DNM2: variants seen among roughly 807,000 people sequenced by gnomAD.
The protein encoded by DNM2 is dynamin 2.
A neutral mutation model predicts 99.0 loss-of-function variants in DNM2; 15 were observed. The ratio of observed to expected loss-of-function variants is 0.15; its 90% CI spans 0.10 to 0.23. DNM2 has a LOEUF of 0.23. Ranked by LOEUF, DNM2 falls within the 10% of genes least tolerant of loss-of-function variation. The pLI is 1.00. For missense variants in DNM2, 742 were observed against 1,189.4 expected (o/e 0.62, Z 5.53); for synonymous variants, 525 against 481.2 (o/e 1.09, Z -1.19).
intron 18 of DNM2, among the ~76,000 whole-genome samples, chr19:10,826,458 ACT>A (rs1443385768): frequency 6.6e-6 from 1 of 152,022 alleles, no homozygotes; most frequent in Non-Finnish European, 1.5e-5. Flanking sequence ...TTCCCTGGAG[ACT>A]CTCAGGGCTC....
chr19:10,819,508 A>G (rs536150994), intron 15 of DNM2, among the ~76,000 whole-genome samples: 1 of 152,350 alleles, frequency 6.6e-6, no homozygotes, highest in African/African-American at 2.4e-5. Context: ...GCGTGCCGTC[A>G]GCCACATGTC....
chr19:10,719,390 G>C (rs537369819), intron 1 of DNM2, among the ~76,000 whole-genome samples: 7 of 152,000 alleles, frequency 4.6e-5, no homozygotes, highest in Non-Finnish European at 1.0e-4. Flanking sequence ...ACAAATTGGG[G>C]GCCCTCCTTT....
rs902312942 is a variant in DNM2 at position 10,796,732 on chromosome 19, C to G, written c.1197-648C>G. Among the ~76,000 whole-genome samples the G allele has an allele frequency of 2.0e-5, 3 of 152,134 alleles. No homozygotes were observed. Among genetic ancestry groups the G allele is most frequent in the Admixed American group, 6.5e-5 (1 of 15,280 alleles). On this transcript the variant is annotated intron_variant, in intron 9 of 20. Coordinates refer to ENST00000389253, the MANE Select transcript of DNM2 (RefSeq NM_001005361.3). The surrounding 1 kb of genome is among the most constrained non-coding windows in gnomAD (Gnocchi z 5.6). ...GCCCACCCCCTGCACCCCACGCTGT[C>G]CCCCAGGGGCAGCCCATTTTTGGAT...
chr19:10,736,068 G>A (rs956779362), intron 1 of DNM2, among the ~76,000 whole-genome samples: 2 of 152,010 alleles, frequency 1.3e-5, no homozygotes, highest in Non-Finnish European at 2.9e-5. Context: ...TTTGAAACTG[G>A]CCTGGCCAAC....
intron 18 of DNM2, among the ~76,000 whole-genome samples, chr19:10,827,727 G>T (rs987619391): frequency 1.3e-5 from 2 of 151,598 alleles, no homozygotes; most frequent in East Asian, 3.9e-4. Flanking sequence ...AAATTAGCTG[G>T]GCGTGGTGGC....
chr19:10,797,293 C>G, intron 9 of DNM2, 87 bp from the exon 10 acceptor site: 3 of 1,573,102 alleles, frequency 1.9e-6, no homozygotes, highest in Non-Finnish European at 2.6e-6. Context: ...CTCGTTTCTT[C>G]TCTTCTCTCT....
chr19:10,814,929 T>G (rs912599695), intron 15 of DNM2, among the ~76,000 whole-genome samples: 6 of 152,196 alleles, frequency 3.9e-5, no homozygotes, highest in Non-Finnish European at 8.8e-5. Flanking sequence ...GCGGTCCAGG[T>G]TGGCTTTCAA....
At chr19:10,743,423 C>G (rs1195754759) in intron 1 of DNM2, among the ~76,000 whole-genome samples, 4 of 151,764 alleles carry the variant, frequency 2.6e-5, no homozygotes, top group Admixed American at 6.6e-5. Context: ...ACCTGTAATC[C>G]CAGATCTTTG....
chr19:10,734,545 A>G (rs1280986377), intron 1 of DNM2, among the ~76,000 whole-genome samples: 1 of 148,092 alleles, frequency 6.8e-6, no homozygotes, highest in Non-Finnish European at 1.5e-5. Flanking sequence ...AGGCTGAGAC[A>G]GGAGGATCAC....
chr19:10,735,171 G>A (rs1341802746), intron 1 of DNM2, among the ~76,000 whole-genome samples: 1 of 152,062 alleles, frequency 6.6e-6, no homozygotes, highest in Non-Finnish European at 1.5e-5. Context: ...AGCCTCCCGA[G>A]TAGCTGGGAT....
intron 1 of DNM2, among the ~76,000 whole-genome samples, chr19:10,744,493 G>A (rs540377295): frequency 1.1e-4 from 16 of 152,112 alleles, no homozygotes; most frequent in East Asian, 1.9e-4. Flanking sequence ...GAACTAGAAC[G>A]TGTTTGCCTG....
At position 10,786,676 on chromosome 19, in the gene DNM2, A is replaced by C. The variant is rs1447876897; in HGVS notation, c.962A>C (p.Asp321Ala). ...VEEYKNFRPD[D>A]PTRKTKALLQ... ...GAGTACAAGAACTTTCGGCCCGACG[A>C]CCCCACCCGCAAAACCAAAGCCCTG... The change falls in exon 7 of 21, where the codon GAC becomes GCC. Residue 321 changes from aspartate to alanine, a missense_variant. Physicochemically the swap from Asp to Ala is moderately radical, Grantham distance 126. This residue lies in a region of DNM2 where 44 missense variants were observed against 41.3 expected (regional missense o/e 1.06). Transcript: ENST00000389253. 6.2e-7 allele frequency: 1 copy of C among 1,613,312 alleles called. No individual in the cohort carries two copies. The highest frequency in any genetic ancestry group is 1.7e-5 in the Admixed American group (1 of 59,916).
At position 10,782,746 on chromosome 19, in the gene DNM2, A is replaced by T. The variant is rs866473821; in HGVS notation, c.689-214A>T. 2.0e-4 allele frequency among the ~76,000 whole-genome samples: 31 copies of T among 152,280 alleles called. No homozygotes were observed. In the South Asian group the frequency reaches 5.0e-3, roughly 24 times the overall value. On this transcript the variant is annotated intron_variant, in intron 5 of 20. Coordinates refer to ENST00000389253, the MANE Select transcript of DNM2 (RefSeq NM_001005361.3). Reference sequence around the variant, plus strand: ...TTCTGTCCCTGCGCACACAGGCTGGATGTGAGCTCTCCTTCCTCCAAATAC... The same window carrying T: ...TTCTGTCCCTGCGCACACAGGCTGGTTGTGAGCTCTCCTTCCTCCAAATAC...
intron 1 of DNM2, among the ~76,000 whole-genome samples, chr19:10,750,425 G>A (rs2070151735): frequency 6.6e-6 from 1 of 152,090 alleles, no homozygotes. Flanking sequence ...GCTGCAGTGA[G>A]GTATGATTGT....
chr19:10,729,847 T>A (rs1161680007), intron 1 of DNM2, among the ~76,000 whole-genome samples: 20 of 151,762 alleles, frequency 1.3e-4, no homozygotes, highest in Admixed American at 1.2e-3. Context: ...AGAGAATACG[T>A]GGCACCATTA....
intron 6 of DNM2, among the ~76,000 whole-genome samples, chr19:10,783,699 A>ATT (rs35245958): frequency 0.18 from 24,901 of 141,424 alleles, 2,789 homozygotes; most frequent in Middle Eastern, 0.31. Flanking sequence ...TATTATTATT[A>ATT]TTATTATTTT....
intron 16 of DNM2, among the ~76,000 whole-genome samples, chr19:10,821,566 T>G (rs1177266180): frequency 1.3e-5 from 2 of 152,010 alleles, no homozygotes; most frequent in African/African-American, 2.4e-5. Context: ...AGTTCCGCTG[T>G]TGTTGCCCAG....
Position 10,811,315 on chromosome 19 carries a change from G to A in DNM2, c.1558-949G>A, listed in dbSNP as rs929688022. 9 of 205,864 alleles carry A rather than the reference G, an allele frequency of 4.4e-5. No individual in the cohort carries two copies. Among genetic ancestry groups the A allele is most frequent in the Admixed American group, 2.2e-4 (4 of 18,338 alleles). 12.8% of individuals were successfully genotyped at this position (205,864 alleles called of 1,614,324 possible). A position where few individuals can be genotyped will look rare whatever the true frequency, so the allele number is the denominator to read the frequency against. ...GGCCCGGGGTGGGTCGGGGTAGTCC[G>A]GATGAAGCCCCTCCAGAGGACCGCC... On this transcript the variant is annotated intron_variant, in intron 14 of 20. Transcript: ENST00000389253. The surrounding 1 kb of genome is among the most constrained non-coding windows in gnomAD (Gnocchi z 5.4).
At chr19:10,801,768 G>C (rs1463538680) in intron 11 of DNM2, among the ~76,000 whole-genome samples, 1 of 151,218 alleles carries the variant, frequency 6.6e-6, no homozygotes, top group Non-Finnish European at 1.5e-5. Context: ...AGCTGGGCGT[G>C]GTGGCAGGCA....
Sources: allele counts gnomAD v4.1 joint callset (sites outside exome capture counted in the v4.1 genomes callset), GRCh38; gene constraint gnomAD v4.1.1; regional missense constraint gnomAD v4.1.1; non-coding constraint Gnocchi (gnomAD v3.1); transcripts MANE v1.5; gene names NCBI Gene and HGNC (gene_info 2026-07-23, HGNC 2026-07-21).